FGF14: variants seen among roughly 807,000 people sequenced by gnomAD.
FGF14 encodes the protein fibroblast growth factor homologous factor 4.
FGF14 carries 5 observed loss-of-function variants against 25.5 expected under a neutral mutation model. The observed-to-expected ratio is 0.20, with a 90% CI of 0.10 to 0.41. FGF14 has a LOEUF of 0.41. Ranked by LOEUF, FGF14 falls within the 10% of genes least tolerant of loss-of-function variation. The pLI, the probability that FGF14 is intolerant of heterozygous loss-of-function variation, is 1.00. For missense variants in FGF14, 222 were observed against 320.1 expected (o/e 0.69, Z 2.34); for synonymous variants, 138 against 118.3 (o/e 1.17, Z -1.08).
chr13:102,114,283 G>A (rs770630952), intron 1 of FGF14, among the ~76,000 whole-genome samples: 11 of 152,066 alleles, frequency 7.2e-5, no homozygotes, highest in Non-Finnish European at 1.6e-4. Flanking sequence ...TTGAGTTGTA[G>A]GAATTTCTTA....
At chr13:102,139,249 CA>C (rs149148104) in intron 1 of FGF14, among the ~76,000 whole-genome samples, 23,680 of 151,718 alleles carry the variant, frequency 0.16, 2,087 homozygotes, top group Middle Eastern at 0.26. Flanking sequence ...TAGAAAATAC[CA>C]CTAGCCAGGC....
In FGF14 at chr13:101,712,895, G is replaced by A. The variant is rs949424308; in HGVS notation, c.*9936C>T. 6.6e-6 allele frequency: 1 copy of A among 152,146 alleles called. No individual in the cohort carries two copies. The highest frequency in any genetic ancestry group is 1.5e-5 in the Non-Finnish European group (1 of 68,036). 9.4% of individuals were successfully genotyped at this position (152,146 alleles called of 1,614,324 possible). The stretch of plus-strand genomic sequence containing the variant: ...CCAGCATCCTTTGCAGACTGACCTG[G>A]GAGCAGCAGCTCACTGGGTCCTGAG... On this transcript the variant is annotated 3_prime_UTR_variant, in exon 5 of 5. Transcript: ENST00000376143.
chr13:102,083,878 T>C (rs767475838), intron 1 of FGF14, among the ~76,000 whole-genome samples: 20 of 152,340 alleles, frequency 1.3e-4, no homozygotes, highest in Non-Finnish European at 2.4e-4. Flanking sequence ...CAATTGGTCA[T>C]TTATTTCTTC....
chr13:102,371,548 T>C (rs2057883841), intron 1 of FGF14, among the ~76,000 whole-genome samples: 1 of 152,182 alleles, frequency 6.6e-6, no homozygotes, highest in South Asian at 2.1e-4. Flanking sequence ...TTCATTGTTA[T>C]AGCTCTTGTC....
intron 1 of FGF14, among the ~76,000 whole-genome samples, chr13:102,142,892 C>A (rs1563584): frequency 0.073 from 11,119 of 152,250 alleles, 447 homozygotes; most frequent in Non-Finnish European, 0.098. Context: ...TCCAATGTTT[C>A]CTTTAAAAAC....
intron 1 of FGF14, among the ~76,000 whole-genome samples, chr13:102,315,584 G>C (rs1434683967): frequency 1.3e-5 from 2 of 152,178 alleles, no homozygotes; most frequent in Non-Finnish European, 2.9e-5. Context: ...GCATGGGTTA[G>C]TTTATTAAAT....
intron 1 of FGF14, among the ~76,000 whole-genome samples, chr13:102,007,717 C>T (rs1184502473): frequency 1.3e-5 from 2 of 152,184 alleles, no homozygotes; most frequent in Admixed American, 1.3e-4. Flanking sequence ...GTGAAAATGC[C>T]TCTGATTTTC....
intron 1 of FGF14, among the ~76,000 whole-genome samples, chr13:102,384,609 T>C (rs985378455): frequency 2.0e-5 from 3 of 152,278 alleles, no homozygotes; most frequent in Middle Eastern, 3.4e-3. Context: ...TTGAGCCCTA[T>C]AGCATCAGAG....
chr13:102,026,342 T>C (rs1447493999), intron 1 of FGF14, among the ~76,000 whole-genome samples: 1 of 151,884 alleles, frequency 6.6e-6, no homozygotes, highest in Non-Finnish European at 1.5e-5. Flanking sequence ...ATTAAGATTT[T>C]TATATTTCAT....
chr13:102,378,070 T>C (rs2139153117), intron 1 of FGF14, among the ~76,000 whole-genome samples: 1 of 152,324 alleles, frequency 6.6e-6, no homozygotes, highest in African/African-American at 2.4e-5. Context: ...TGGATACTTT[T>C]AAAAAGCACA....
intron 2 of FGF14, among the ~76,000 whole-genome samples, chr13:101,869,443 T>C (rs1256504158): frequency 1.3e-5 from 2 of 152,230 alleles, no homozygotes; most frequent in African/African-American, 4.8e-5. Context: ...TCTCTGTTGA[T>C]AAAATGTTAA....
At chr13:102,350,878 TG>T (rs1426900744) in intron 1 of FGF14, among the ~76,000 whole-genome samples, 1 of 152,202 alleles carries the variant, frequency 6.6e-6, no homozygotes, top group African/African-American at 2.4e-5. Flanking sequence ...GCGTGGTCAC[TG>T]GACACGGCCT....
intron 1 of FGF14, among the ~76,000 whole-genome samples, chr13:102,260,710 T>C (rs2052676150): frequency 6.6e-6 from 1 of 152,238 alleles, no homozygotes; most frequent in Non-Finnish European, 1.5e-5. Flanking sequence ...ATTCTGTAAA[T>C]GGACTGAGTG....
intron 1 of FGF14, among the ~76,000 whole-genome samples, chr13:101,890,296 G>A (rs1413627476): frequency 1.3e-5 from 2 of 151,982 alleles, no homozygotes; most frequent in Non-Finnish European, 2.9e-5. Context: ...CACACCTGTA[G>A]CACACCTCTA....
intron 1 of FGF14, among the ~76,000 whole-genome samples, chr13:102,179,378 G>T (rs1594298833): frequency 6.6e-6 from 1 of 152,004 alleles, no homozygotes; most frequent in South Asian, 2.1e-4. Flanking sequence ...CTGTAAACTG[G>T]AGTCTCTCAG....
chr13:102,136,929 C>T (rs560260380), intron 1 of FGF14, among the ~76,000 whole-genome samples: 2 of 152,248 alleles, frequency 1.3e-5, no homozygotes, highest in East Asian at 1.9e-4. Flanking sequence ...TTTATCAAGA[C>T]GGGGAGAAAA....
At chr13:101,733,245 AAATTAGTT>A (rs1469413156) in intron 3 of FGF14, among the ~76,000 whole-genome samples, 1 of 152,154 alleles carries the variant, frequency 6.6e-6, no homozygotes, top group Non-Finnish European at 1.5e-5. Flanking sequence ...AGGAGAAAAA[AAATTAGTT>A]AATTGGTTGT....
chr13:102,145,260 A>G (rs990224904), intron 1 of FGF14, among the ~76,000 whole-genome samples: 17 of 152,192 alleles, frequency 1.1e-4, no homozygotes, highest in African/African-American at 4.1e-4. Flanking sequence ...ATTGATTTAG[A>G]AATCGGCATG....
At chr13:102,307,577 G>A (rs2055463588) in intron 1 of FGF14, among the ~76,000 whole-genome samples, 1 of 152,100 alleles carries the variant, frequency 6.6e-6, no homozygotes, top group Non-Finnish European at 1.5e-5. Context: ...ACCATTTATT[G>A]AGGACACACC....
Sources: gnomAD v4.1 joint callset for allele counts (sites outside exome capture counted in the v4.1 genomes callset) on GRCh38, gnomAD v4.1.1 for gene constraint, MANE v1.5 for transcripts, NCBI Gene and HGNC (gene_info 2026-07-23, HGNC 2026-07-21) for gene names.